Variants in FAM3B observed in about 807,000 individuals in gnomAD.
The protein encoded by FAM3B is FAM3 metabolism regulating signaling molecule B.
Under a neutral mutation model 28.4 loss-of-function variants are expected in FAM3B, and 29 were observed. The ratio of observed to expected loss-of-function variants is 1.02; its 90% CI spans 0.76 to 1.39. The LOEUF is 1.39. FAM3B is among the 40% of genes most tolerant of loss of function. The pLI, the probability that FAM3B is intolerant of heterozygous loss-of-function variation, is 0.00. For missense variants in FAM3B, 266 were observed against 293.9 expected, an observed-to-expected ratio of 0.91 and a Z score of 0.69; for synonymous variants, 91 against 103.0, an observed-to-expected ratio of 0.88 and a Z score of 0.71.
chr21:41,338,553 C>G (rs757636285), intron 3 of FAM3B, 52 bp downstream of exon 3: 2 of 1,604,610 alleles, frequency 1.2e-6, no homozygotes, highest in Non-Finnish European at 1.7e-6. Context: ...GATTCTTGCC[C>G]CTTCCCTGAG....
intron 1 of FAM3B, among the ~76,000 whole-genome samples, chr21:41,311,246 AAAAAAATATATATATATATATATATAT>A (rs1177462237): frequency 3.0e-5 from 2 of 66,642 alleles, no homozygotes; most frequent in African/African-American, 1.2e-4. Flanking sequence ...CAAAAAAAAA[AAAAAAATATATATATATATATATATAT>A]ATATATATAT....
chr21:41,330,591 C>T (rs1191817981), intron 2 of FAM3B, among the ~76,000 whole-genome samples: 1 of 152,162 alleles, frequency 6.6e-6, no homozygotes, highest in Non-Finnish European at 1.5e-5. Flanking sequence ...ACCCCTGAAC[C>T]TCTGGCCACT....
chr21:41,357,676 A>G lies in FAM3B; in HGVS notation c.*479A>G, dbSNP rs942727745. The stretch of plus-strand genomic sequence containing the variant: ...TTGTTCAACTCAACTTGAGCTCTTG[A>G]ACTCCTCCTGTGGGCCTGTGAATGT... On this transcript the variant is annotated 3_prime_UTR_variant, in exon 8 of 8. Transcript: ENST00000357985. 2.6e-5 allele frequency among the ~76,000 whole-genome samples: 4 copies of G among 152,158 alleles called. No individual in the cohort carries two copies. Among genetic ancestry groups the G allele is most frequent in the Non-Finnish European group, 4.4e-5 (3 of 68,030 alleles).
rs570509711 is a variant in FAM3B at position 41,308,889 on chromosome 21, G to A, written n.99+4579G>A. ...GGTTGGGACAAGTAGGAAGAGAAGTGGTGGCAGGGTCACACAGACTCTGGG... is the reference window on the plus strand; with the variant it reads ...GGTTGGGACAAGTAGGAAGAGAAGTAGTGGCAGGGTCACACAGACTCTGGG... On this transcript the variant is annotated intron_variant and non_coding_transcript_variant, in intron 1 of 9. Transcript: ENST00000479810. Among the ~76,000 whole-genome samples the A allele has an allele frequency of 1.1e-4, 16 of 152,240 alleles. No individual in the cohort carries two copies. In the East Asian group the frequency reaches 3.1e-3, roughly 29 times the overall value.
intron 5 of FAM3B, 78 bp downstream of exon 5, chr21:41,345,814 C>A: frequency 3.1e-6 from 3 of 954,368 alleles, no homozygotes; most frequent in South Asian, 1.4e-5. Flanking sequence ...AGAAAAATGT[C>A]AACCATTTTT....
At position 41,326,106 on chromosome 21, in the gene FAM3B, A is replaced by C. The variant is rs2088852770; in HGVS notation, c.163+3040A>C. On this transcript the variant is annotated intron_variant, in intron 2 of 7. Coordinates refer to ENST00000357985, the MANE Select transcript of FAM3B (RefSeq NM_058186.4). This position sits in a 1 kb window ranked among gnomAD's most constrained non-coding sequence, Gnocchi z 4.0. ...AGGTCCGCCGTTCTCCCTGGCTAGG[A>C]CACTGGCTTCTACGTAAGCCACATG... Among the ~76,000 whole-genome samples the C allele has an allele frequency of 6.6e-6, 1 of 152,236 alleles. No individual in the cohort carries two copies. Among genetic ancestry groups the C allele is most frequent in the Admixed American group, 6.5e-5 (1 of 15,288 alleles).
chr21:41,318,004 G>A (rs2088766243), intron 1 of FAM3B, among the ~76,000 whole-genome samples: 1 of 152,132 alleles, frequency 6.6e-6, no homozygotes, highest in African/African-American at 2.4e-5. Flanking sequence ...CTGGAAAAGT[G>A]TTTTCTATTA....
At chr21:41,318,221 C>A (rs1160821975) in intron 1 of FAM3B, among the ~76,000 whole-genome samples, 3 of 152,162 alleles carry the variant, frequency 2.0e-5, no homozygotes, top group Non-Finnish European at 1.5e-5. Flanking sequence ...GCCCAGGGAA[C>A]TCAGAGATGC....
intron 1 of FAM3B, among the ~76,000 whole-genome samples, chr21:41,311,057 G>A (rs2088706588): frequency 6.6e-6 from 1 of 150,916 alleles, no homozygotes; most frequent in East Asian, 2.0e-4. Context: ...GATCTTCTCA[G>A]TGTTTCAGCC....
At chr21:41,310,328 T>C (rs985435965) in intron 1 of FAM3B, among the ~76,000 whole-genome samples, 3 of 152,120 alleles carry the variant, frequency 2.0e-5, no homozygotes, top group Non-Finnish European at 2.9e-5. Flanking sequence ...GGGGTCACTG[T>C]CTGTCCTCTG....
rs73905337 is a variant in FAM3B, at chr21:41,357,500, G to C, written c.*303G>C. 4.8e-3 allele frequency: 1,130 copies of C among 233,772 alleles called. 10 individuals are homozygous for C. The highest frequency in any genetic ancestry group is 0.023 in the African/African-American group (1,011 of 43,588). The allele number at this position is 233,772 out of a possible 1,614,324, so 14.5% of individuals were successfully genotyped here. A position where few individuals can be genotyped will look rare whatever the true frequency, so the allele number is the denominator to read the frequency against. On this transcript the variant is annotated 3_prime_UTR_variant, in exon 8 of 8. Transcript: ENST00000357985. ...GCTTGTCCAGGTGGAGCTATGTTAT[G>C]ATCAGATCGAAGTGTGACCCCTGTG... is the stretch of plus-strand genomic sequence containing the variant.
In FAM3B at chr21:41,326,479, A is replaced by G. The variant is rs928188501; in HGVS notation, c.163+3413A>G. On this transcript the variant is annotated intron_variant, in intron 2 of 7. Coordinates refer to ENST00000357985, the MANE Select transcript of FAM3B (RefSeq NM_058186.4). The surrounding 1 kb of genome is among the most constrained non-coding windows in gnomAD (Gnocchi z 4.0). ...TCCCTGGAGGATATGAGGCACATCA[A>G]ACACCTCCCTTCTGGAAAGCCCTCC... Among the ~76,000 whole-genome samples, 1 of 152,148 alleles carries G rather than the reference A, an allele frequency of 6.6e-6. No homozygotes were observed. The highest frequency in any genetic ancestry group is 2.4e-5 in the African/African-American group (1 of 41,440).
chr21:41,337,530 C>T (rs2088965785), intron 2 of FAM3B, among the ~76,000 whole-genome samples: 1 of 152,160 alleles, frequency 6.6e-6, no homozygotes, highest in African/African-American at 2.4e-5. Context: ...GACATCATAG[C>T]GTCCTGGGCA....
At chr21:41,339,228 A>T (rs2145819141) in intron 3 of FAM3B, among the ~76,000 whole-genome samples, 1 of 152,278 alleles carries the variant, frequency 6.6e-6, no homozygotes, top group African/African-American at 2.4e-5. Flanking sequence ...AATTTAATTG[A>T]TGTAATAAGT....
intron 6 of FAM3B, among the ~76,000 whole-genome samples, chr21:41,347,385 G>A (rs529494116): frequency 3.3e-5 from 5 of 152,184 alleles, no homozygotes; most frequent in South Asian, 2.1e-4. Context: ...ACTAACCTCC[G>A]GACAGAAAGC....
At chr21:41,353,873 G>T (rs1321761782) in intron 7 of FAM3B, among the ~76,000 whole-genome samples, 1 of 152,128 alleles carries the variant, frequency 6.6e-6, no homozygotes, top group Non-Finnish European at 1.5e-5. Flanking sequence ...TTTAGAATGG[G>T]AGAAAATTTT....
chr21:41,311,824 G>A (rs1261885853), upstream of FAM3B, among the ~76,000 whole-genome samples: 1 of 152,152 alleles, frequency 6.6e-6, no homozygotes, highest in Non-Finnish European at 1.5e-5. Flanking sequence ...TCACACTGCT[G>A]ATAAAGACAT....
chr21:41,305,400 T>A (rs2088678222), intron 1 of FAM3B, among the ~76,000 whole-genome samples: 1 of 152,150 alleles, frequency 6.6e-6, no homozygotes, highest in South Asian at 2.1e-4. Flanking sequence ...AGAAATACGT[T>A]CTATTTTCTT....
At position 41,326,724 on chromosome 21, in the gene FAM3B, T is replaced by G. The variant is rs2088858087; in HGVS notation, c.163+3658T>G. Reference sequence around the variant, plus strand: ...GCTGGAGACGCCAGCACCAGCCCTTTGGGTGAGTGTCCTGGGTCCAAGGGT... The same window carrying G: ...GCTGGAGACGCCAGCACCAGCCCTTGGGGTGAGTGTCCTGGGTCCAAGGGT... On this transcript the variant is annotated intron_variant, in intron 2 of 7. Transcript: ENST00000357985. This position sits in a 1 kb window ranked among gnomAD's most constrained non-coding sequence, Gnocchi z 4.0. Among the ~76,000 whole-genome samples, 1 of 152,228 alleles carries G rather than the reference T, an allele frequency of 6.6e-6. No individual in the cohort carries two copies. The highest frequency in any genetic ancestry group is 2.4e-5 in the African/African-American group (1 of 41,454).
Sources: allele counts gnomAD v4.1 joint callset (sites outside exome capture counted in the v4.1 genomes callset), GRCh38; gene constraint gnomAD v4.1.1; non-coding constraint Gnocchi (gnomAD v3.1); transcripts MANE v1.5; gene names NCBI Gene and HGNC (gene_info 2026-07-23, HGNC 2026-07-21).